CST5: variants seen among roughly 807,000 people sequenced by gnomAD.
CST5 encodes cystatin D.
In CST5, 13 loss-of-function variants were observed where a neutral mutation model predicts 11.5. The ratio of observed to expected loss-of-function variants is 1.13; its 90% CI spans 0.73 to 1.79. The LOEUF is 1.79. Ranked by LOEUF, CST5 falls within the 40% of genes most tolerant of loss-of-function variation. The pLI, the probability that CST5 is intolerant of heterozygous loss-of-function variation, is 0.00. For synonymous variants in CST5, 81 were observed against 67.6 expected (o/e 1.20, Z -0.97); for missense variants, 219 against 174.5 (o/e 1.25, Z -1.44).
chr20:23,876,233 C>T lies in CST5; in HGVS notation c.384G>A (p.Trp128Ter). 1 of 1,613,896 alleles carries T rather than the reference C, an allele frequency of 6.2e-7. No homozygotes were observed. The highest frequency in any genetic ancestry group is 2.2e-5 in the East Asian group (1 of 44,864). Reference sequence around the variant, plus strand: ...AGTTCAGAATGGAAATTTTATCCTCCCAGGGAACTTCATTGATCTGGAAAG... The same window carrying T: ...AGTTCAGAATGGAAATTTTATCCTCTCAGGGAACTTCATTGATCTGGAAAG... ...FCSFQINEVP[W>*]EDKISILNYK... is the part of the protein sequence containing the mutation. Residue 128 changes from tryptophan (W) to a stop codon, truncating the protein, a stop_gained, in exon 3 of 3, where the codon TGG (tryptophan) becomes TGA (stop). Transcript: ENST00000304710. LOFTEE classifies it low-confidence loss of function (END_TRUNC).
At chr20:23,878,374 C>A (rs566371160) in intron 1 of CST5, among the ~76,000 whole-genome samples, 1 of 152,074 alleles carries the variant, frequency 6.6e-6, no homozygotes, top group African/African-American at 2.4e-5. Flanking sequence ...TGCACAGTGC[C>A]GCCCCAAAAC....
chr20:23,877,770 C>T, intron 1 of CST5, 152 bp from the exon 2 acceptor site: 1 of 652,602 alleles, frequency 1.5e-6, no homozygotes, highest in East Asian at 2.7e-5. Context: ...CTCCTGCTGG[C>T]TGGCAGTGGT....
intron 2 of CST5, among the ~76,000 whole-genome samples, 196 bp from the exon 3 acceptor site, chr20:23,876,467 C>T (rs551111225): frequency 6.6e-6 from 1 of 152,300 alleles, no homozygotes; most frequent in East Asian, 1.9e-4. Context: ...TCCCAAGGCT[C>T]CAAGTCACCA....
In CST5 at chr20:23,877,525, C is replaced by T; in HGVS notation, c.325G>A (p.Asp109Asn). 6.2e-7 allele frequency: 1 copy of T among 1,614,136 alleles called. No individual in the cohort carries two copies. The highest frequency in any genetic ancestry group is 8.5e-7 in the Non-Finnish European group (1 of 1,180,004). ...CATACCTCTTTCAGTTTTGGCTGGT[C>T]ATTGAAGGGACAGTTGTCCAAGTTG... ...QPNLDNCPFN[D>N]QPKLKEEEFC... The change falls in exon 2 of 3, where the codon GAC (aspartate) becomes AAC (asparagine). Residue 109 changes from aspartate (D) to asparagine (N), a missense_variant. Physicochemically the swap from Asp to Asn is conservative, Grantham distance 23. Transcript: ENST00000304710.
chr20:23,878,524 C>G (rs898339642), intron 1 of CST5, among the ~76,000 whole-genome samples: 5 of 152,136 alleles, frequency 3.3e-5, no homozygotes, highest in Non-Finnish European at 7.3e-5. Context: ...GTCTGCTGCT[C>G]TGTAAAATAG....
Position 23,879,694 on chromosome 20 carries a change from A to T in CST5, c.-18T>A, listed in dbSNP as rs550076007. On this transcript the variant is annotated 5_prime_UTR_variant, in exon 1 of 3. Coordinates refer to ENST00000304710, the MANE Select transcript of CST5 (RefSeq NM_001900.5). ...CACATCATGTTCTACTGGGACACAG[A>T]GCAAGGAGCTGGATCTCCCAGAGAG... is the stretch of plus-strand genomic sequence containing the variant. The T allele has an allele frequency of 6.2e-7, 1 of 1,606,050 alleles. No homozygotes were observed. Among genetic ancestry groups the T allele is most frequent in the Admixed American group, 1.7e-5 (1 of 59,748 alleles).
rs1004311165 is a variant in CST5 at position 23,877,547 on chromosome 20, G to A, written c.303C>T (p.Asn101=). 1 of 1,614,158 alleles carries A rather than the reference G, an allele frequency of 6.2e-7. No homozygotes were observed. The highest frequency in any genetic ancestry group is 1.3e-5 in the African/African-American group (1 of 75,058). ...GGTCATTGAAGGGACAGTTGTCCAAGTTGGGCTGGGACTTGGTGCATGTGG... is the reference window on the plus strand; with the variant it reads ...GGTCATTGAAGGGACAGTTGTCCAAATTGGGCTGGGACTTGGTGCATGTGG... ...GRTTCTKSQP[N]LDNCPFNDQP... is the part of the protein sequence containing the mutation. The change falls in exon 2 of 3, where the codon AAC becomes AAT. Residue 101 remains asparagine, a synonymous_variant. Transcript: ENST00000304710.
chr20:23,876,016 G>T lies in CST5; in HGVS notation c.*172C>A. The T allele has an allele frequency of 1.8e-6, 1 of 559,902 alleles. No homozygotes were observed. The highest frequency in any genetic ancestry group is 3.2e-6 in the Non-Finnish European group (1 of 311,528). 34.7% of individuals were successfully genotyped at this position (559,902 alleles called of 1,614,324 possible). ...ATGAGAAGCAAGAAGGAAGGAGCAA[G>T]GGCAGAGCCTCCTGCTGAGCAACAA... On this transcript the variant is annotated 3_prime_UTR_variant, in exon 3 of 3. Coordinates refer to ENST00000304710, the MANE Select transcript of CST5 (RefSeq NM_001900.5).
rs376468322 is a variant in CST5 at position 23,879,480 on chromosome 20, C to T, written c.197G>A (p.Ser66Asn). 6.5e-5 allele frequency: 105 copies of T among 1,613,874 alleles called. No homozygotes were observed. Among genetic ancestry groups the T allele is most frequent in the Non-Finnish European group, 8.6e-5 (102 of 1,179,978 alleles). The change falls in exon 1 of 3, where the codon AGC becomes AAC. Residue 66 changes from serine to asparagine, a missense_variant. By Grantham distance (46) the Ser-to-Asn change is conservative. Transcript: ENST00000304710. The part of the protein sequence containing the change: ...NKVINKDEYY[S>N]RPLQVMAAYQ... ...GGCAGCCATCACCTGCAGAGGGCGG[C>T]TGTAGTACTCATCCTTATTAATGAC...
At chr20:23,878,808 C>T (rs1986018080) in intron 1 of CST5, among the ~76,000 whole-genome samples, 1 of 152,204 alleles carries the variant, frequency 6.6e-6, no homozygotes, top group Non-Finnish European at 1.5e-5. Context: ...GGCTCGGTAG[C>T]CCTGCTGAAG....
In CST5 at chr20:23,876,229, C is replaced by T. The variant is rs1268595833; in HGVS notation, c.388G>A (p.Asp130Asn). Reference protein sequence around the residue: ...SFQINEVPWEDKISILNYKCR... With the variant: ...SFQINEVPWENKISILNYKCR... The stretch of plus-strand genomic sequence containing the variant: ...TTGTAGTTCAGAATGGAAATTTTAT[C>T]CTCCCAGGGAACTTCATTGATCTGG... Residue 130 changes from aspartate to asparagine, a missense_variant, in exon 3 of 3, where the codon GAT becomes AAT. By Grantham distance (23) the Asp-to-Asn change is conservative. Transcript: ENST00000304710. 4 of 1,613,958 alleles carry T rather than the reference C, an allele frequency of 2.5e-6. No individual in the cohort carries two copies. In the Admixed American group the frequency reaches 5.0e-5, roughly 20 times the overall value.
At chr20:23,876,327 T>C in intron 2 of CST5, 56 bp from the exon 3 acceptor site, 1 of 1,380,260 alleles carries the variant, frequency 7.2e-7, no homozygotes, top group Non-Finnish European at 1.0e-6. Context: ...AAGCCAAAGA[T>C]GCCCAGGAAT....
At chr20:23,877,425 G>T in intron 2 of CST5, 80 bp downstream of exon 2, 1 of 1,092,896 alleles carries the variant, frequency 9.2e-7, no homozygotes, top group Non-Finnish European at 1.4e-6. Context: ...GTACAGATGC[G>T]TGCACACACA....
intron 1 of CST5, among the ~76,000 whole-genome samples, chr20:23,878,229 A>C (rs893285667): frequency 2.6e-5 from 4 of 152,078 alleles, no homozygotes; most frequent in African/African-American, 4.8e-5. Flanking sequence ...ACATACATTG[A>C]TGTTTTAGGC....
Position 23,879,458 on chromosome 20 carries a change from A to G in CST5, c.219T>C (p.Ala73=). 1 of 1,613,728 alleles carries G rather than the reference A, an allele frequency of 6.2e-7. No homozygotes were observed. Among genetic ancestry groups the G allele is most frequent in the Non-Finnish European group, 8.5e-7 (1 of 1,179,800 alleles). ...TGGTAGCACGCACCTGCTGGTAGGC[A>G]GCCATCACCTGCAGAGGGCGGCTGT... The part of the protein sequence containing the change: ...EYYSRPLQVM[A]AYQQIVGGVN... Residue 73 remains alanine (A), a synonymous_variant, in exon 1 of 3, where the codon GCT becomes GCC. Coordinates refer to ENST00000304710, the MANE Select transcript of CST5 (RefSeq NM_001900.5).
intron 1 of CST5, 120 bp downstream of exon 1, chr20:23,879,326 G>T (rs1269969492): frequency 2.5e-6 from 2 of 788,580 alleles, no homozygotes; most frequent in Non-Finnish European, 4.3e-6. Flanking sequence ...TCAGCAGACA[G>T]TCAGAGAAAG....
intron 1 of CST5, 95 bp downstream of exon 1, chr20:23,879,351 G>T: frequency 1.1e-6 from 1 of 901,894 alleles, no homozygotes; most frequent in South Asian, 1.4e-5. Context: ...ATGAGTCTGC[G>T]GTTTAGATAA....
rs577725854 is a variant in CST5 at position 23,876,241 on chromosome 20, C to A, written c.376G>T (p.Val126Phe). ...EEFCSFQINEVPWEDKISILN... is the reference protein window; with the variant it reads ...EEFCSFQINEFPWEDKISILN... ...ATGGAAATTTTATCCTCCCAGGGAA[C>A]TTCATTGATCTGGAAAGAGCAGAAC... The change falls in exon 3 of 3, where the codon GTT (valine) becomes TTT (phenylalanine). Residue 126 changes from valine to phenylalanine, a missense_variant. Transcript: ENST00000304710. 6.8e-6 allele frequency: 11 copies of A among 1,613,792 alleles called. No individual in the cohort carries two copies. The African/African-American group carries it at 1.2e-4, about 18-fold the overall frequency.
chr20:23,879,356 A>G, intron 1 of CST5, 90 bp downstream of exon 1: 1 of 937,166 alleles, frequency 1.1e-6, no homozygotes, highest in Non-Finnish European at 1.7e-6. Context: ...TCTGCGGTTT[A>G]GATAATGTTG....
Sources: allele counts gnomAD v4.1 joint callset (sites outside exome capture counted in the v4.1 genomes callset), GRCh38; gene constraint gnomAD v4.1.1; transcripts MANE v1.5; gene names NCBI Gene and HGNC (gene_info 2026-07-23, HGNC 2026-07-21).